Variants in RFX3 observed in about 807,000 individuals in gnomAD.
RFX3 encodes the protein regulatory factor X3, also known as transcription factor RFX3.
A neutral mutation model predicts 98.6 loss-of-function variants in RFX3; 14 were observed. That is an observed-to-expected ratio of 0.14 (90% CI 0.09 to 0.22). RFX3 has a LOEUF of 0.22. Among genes scored for constraint, RFX3 ranks in the 10% least tolerant of loss-of-function variants. RFX3 has a pLI of 1.00. For synonymous variants in RFX3, 383 were observed against 328.4 expected, an observed-to-expected ratio of 1.17 and a Z score of -1.80; for missense variants, 639 against 926.9, an observed-to-expected ratio of 0.69 and a Z score of 4.03.
At chr9:3,497,257 A>G (rs374608980) in intron 1 of RFX3, among the ~76,000 whole-genome samples, 9 of 152,178 alleles carry the variant, frequency 5.9e-5, no homozygotes, top group African/African-American at 1.9e-4. Flanking sequence ...CAGTCACTAT[A>G]CTATATAACA....
intron 1 of RFX3, among the ~76,000 whole-genome samples, chr9:3,496,540 G>A (rs1851122566): frequency 6.6e-6 from 1 of 151,998 alleles, no homozygotes; most frequent in South Asian, 2.1e-4. Context: ...GACTAAGCCA[G>A]AAAGATGAAA....
chr9:3,469,708 G>A (rs1029846042), intron 1 of RFX3, among the ~76,000 whole-genome samples: 1 of 151,710 alleles, frequency 6.6e-6, no homozygotes, highest in African/African-American at 2.4e-5. Context: ...AAATTCAACC[G>A]TACAAAATCA....
At chr9:3,422,546 G>A (rs1843547870) in intron 1 of RFX3, among the ~76,000 whole-genome samples, 4 of 152,184 alleles carry the variant, frequency 2.6e-5, no homozygotes, top group Admixed American at 6.5e-5. Context: ...TACCTTTGAT[G>A]CTACTGGGAA....
chr9:3,376,218 T>A (rs1838473102), intron 2 of RFX3, among the ~76,000 whole-genome samples: 1 of 152,174 alleles, frequency 6.6e-6, no homozygotes, highest in East Asian at 1.9e-4. Flanking sequence ...CAAGTAGAAC[T>A]CTCATATACT....
At chr9:3,493,696 A>T (rs1174254011) in intron 1 of RFX3, among the ~76,000 whole-genome samples, 26 of 123,376 alleles carry the variant, frequency 2.1e-4, no homozygotes, top group East Asian at 5.0e-4. Flanking sequence ...AAAAAAAAAA[A>T]AAAAATATAT....
chr9:3,270,206 G>T (rs1029250828), intron 11 of RFX3, among the ~76,000 whole-genome samples, 165 bp downstream of exon 11: 1 of 152,138 alleles, frequency 6.6e-6, no homozygotes, highest in Non-Finnish European at 1.5e-5. Flanking sequence ...TTTTACTACA[G>T]TTTTGCTCTA....
chr9:3,471,448 TCTGA>T (rs2133223386), intron 1 of RFX3, among the ~76,000 whole-genome samples: 1 of 152,352 alleles, frequency 6.6e-6, no homozygotes, highest in Admixed American at 6.5e-5. Flanking sequence ...TGTCACTATA[TCTGA>T]CTGTCAATTA....
chr9:3,280,686 T>C (rs1401737926), intron 7 of RFX3, among the ~76,000 whole-genome samples: 1 of 151,762 alleles, frequency 6.6e-6, no homozygotes, highest in African/African-American at 2.4e-5. Context: ...TAAGTGCATA[T>C]CAATATCTAG....
intron 1 of RFX3, among the ~76,000 whole-genome samples, chr9:3,487,889 C>T (rs1484321778): frequency 6.6e-6 from 1 of 152,026 alleles, no homozygotes; most frequent in African/African-American, 2.4e-5. Flanking sequence ...CTCAAGTTTC[C>T]TCATCCTAAA....
At chr9:3,338,379 G>C (rs1446221179) in intron 3 of RFX3, among the ~76,000 whole-genome samples, 1 of 152,178 alleles carries the variant, frequency 6.6e-6, no homozygotes, top group Non-Finnish European at 1.5e-5. Context: ...AATACTTCTT[G>C]TAATAACTTA....
At chr9:3,273,235 T>C (rs530695393) in intron 9 of RFX3, among the ~76,000 whole-genome samples, 29 of 152,256 alleles carry the variant, frequency 1.9e-4, no homozygotes, top group African/African-American at 6.5e-4. Flanking sequence ...TCAAAATGAA[T>C]ATTTATTAAC....
intron 1 of RFX3, among the ~76,000 whole-genome samples, chr9:3,410,533 G>A (rs1277152838): frequency 1.3e-5 from 2 of 152,074 alleles, no homozygotes; most frequent in Non-Finnish European, 2.9e-5. Context: ...AAAATAAACA[G>A]GGAACAAATT....
rs1363312058 is a variant in RFX3, at chr9:3,224,648, T to C, written c.*394A>G. ...TGTAAATCAAAAAAATCATTTCTTTTGATATTTCACAGAAGTGCATCTAAT... is the reference window on the plus strand; with the variant it reads ...TGTAAATCAAAAAAATCATTTCTTTCGATATTTCACAGAAGTGCATCTAAT... On this transcript the variant is annotated 3_prime_UTR_variant, in exon 17 of 17. Transcript: ENST00000617270. 1 of 166,224 alleles carries C rather than the reference T, an allele frequency of 6.0e-6. No homozygotes were observed. Among genetic ancestry groups the C allele is most frequent in the African/African-American group, 2.4e-5 (1 of 41,550 alleles). The allele number at this position is 166,224 out of a possible 1,614,324, so 10.3% of individuals were successfully genotyped here.
rs150814682 is a variant in RFX3, at chr9:3,354,232, T to C, written c.118-7468A>G. 4.0e-3 allele frequency among the ~76,000 whole-genome samples: 609 copies of C among 152,024 alleles called. 6 individuals are homozygous for C. The highest frequency in any genetic ancestry group is 0.014 in the African/African-American group (583 of 41,512). ...AGAAAACATACTGAATAAAGAGTGG[T>C]AGATTTCTTTTTCCAAATTTGATTG... is the stretch of plus-strand genomic sequence containing the variant. On this transcript the variant is annotated intron_variant, in intron 2 of 16. Transcript: ENST00000617270.
At chr9:3,275,270 G>C (rs985382657) in intron 9 of RFX3, among the ~76,000 whole-genome samples, 5 of 151,988 alleles carry the variant, frequency 3.3e-5, no homozygotes, top group African/African-American at 1.2e-4. Context: ...ATTCATATTA[G>C]GATAGGCTTA....
chr9:3,247,937 A>T (rs141222238), intron 15 of RFX3, 95 bp downstream of exon 15: 1 of 1,610,044 alleles, frequency 6.2e-7, no homozygotes, highest in Non-Finnish European at 8.5e-7. Flanking sequence ...TTGGTTAGGA[A>T]CCATGGTTTT....
At chr9:3,501,905 T>G (rs1816054529) in intron 1 of RFX3, among the ~76,000 whole-genome samples, 1 of 151,992 alleles carries the variant, frequency 6.6e-6, no homozygotes. Context: ...TGATACTGAT[T>G]AGAACTGACT....
chr9:3,223,604 T>C lies in RFX3; in HGVS notation c.*1438A>G, dbSNP rs1448089952. The C allele has an allele frequency of 1.3e-5, 2 of 152,196 alleles. No homozygotes were observed. The highest frequency in any genetic ancestry group is 2.9e-5 in the Non-Finnish European group (2 of 68,014). The allele number at this position is 152,196 out of a possible 1,614,324, so 9.4% of individuals were successfully genotyped here. ...ATCAAGTAATATTCAGCTCTAAGAA[T>C]AAAAAATAGATCCACGGTCACTCAA... On this transcript the variant is annotated 3_prime_UTR_variant, in exon 17 of 17. Transcript: ENST00000617270.
intron 1 of RFX3, among the ~76,000 whole-genome samples, chr9:3,429,750 T>C (rs906034396): frequency 3.9e-5 from 6 of 152,298 alleles, no homozygotes; most frequent in African/African-American, 1.4e-4. Context: ...TGCCCTCTTT[T>C]AATTTACTAT....
Sources: allele counts gnomAD v4.1 joint callset (sites outside exome capture counted in the v4.1 genomes callset), GRCh38; gene constraint gnomAD v4.1.1; transcripts MANE v1.5; gene names NCBI Gene and HGNC (gene_info 2026-07-23, HGNC 2026-07-21).